The following TTC13 variants were observed in gnomAD, a reference collection of about 807,000 sequenced individuals.
The protein encoded by TTC13 is tetratricopeptide repeat protein 13.
In TTC13, 62 loss-of-function variants were observed where a neutral mutation model predicts 120.0. The ratio of observed to expected loss-of-function variants is 0.52; its 90% CI spans 0.42 to 0.64. The LOEUF (loss-of-function observed/expected upper bound fraction) is 0.64. Among genes scored for constraint, TTC13 ranks in the 30% least tolerant of loss-of-function variants. TTC13 has a pLI of 0.00. For missense variants in TTC13, 824 were observed against 1,050.2 expected (o/e 0.78, Z 2.98); for synonymous variants, 384 against 393.5 (o/e 0.98, Z 0.28).
At chr1:230,972,926 C>T (rs1677911497) in intron 1 of TTC13, among the ~76,000 whole-genome samples, 2 of 152,198 alleles carry the variant, frequency 1.3e-5, no homozygotes, top group Admixed American at 1.3e-4. Context: ...GGCAATGCCA[C>T]AGGGGCCAGG....
intron 1 of TTC13, among the ~76,000 whole-genome samples, chr1:230,963,001 G>C (rs1374793343): frequency 1.3e-5 from 2 of 152,076 alleles, no homozygotes; most frequent in Non-Finnish European, 2.9e-5. Flanking sequence ...AAACAACTTG[G>C]GGTGGTTGCA....
intron 1 of TTC13, among the ~76,000 whole-genome samples, chr1:230,971,541 T>C (rs187175943): frequency 4.6e-4 from 70 of 152,214 alleles, no homozygotes; most frequent in African/African-American, 1.4e-3. Context: ...GTAAAGCAAA[T>C]TGAAAATAGA....
intron 10 of TTC13, 39 bp downstream of exon 10, chr1:230,931,697 G>T: frequency 1.2e-6 from 2 of 1,607,346 alleles, no homozygotes; most frequent in Middle Eastern, 1.7e-4. Context: ...GAATAATCCA[G>T]TAATTCCAAT....
chr1:230,911,385 G>GTA (rs1015593903), intron 20 of TTC13, 85 bp downstream of exon 20: 2 of 985,022 alleles, frequency 2.0e-6, no homozygotes, highest in African/African-American at 3.4e-5. Context: ...TGTGTACTCT[G>GTA]TACCTATATC....
At chr1:230,949,713 T>G (rs1311543101) in intron 4 of TTC13, among the ~76,000 whole-genome samples, 1 of 152,224 alleles carries the variant, frequency 6.6e-6, no homozygotes, top group African/African-American at 2.4e-5. Flanking sequence ...TGGCGCGATC[T>G]TGGCTCACTG....
rs1262607264 is a variant in TTC13 at position 230,906,586 on chromosome 1, T to C, written c.*319A>G. The C allele has an allele frequency of 6.0e-6, 1 of 165,624 alleles. No individual in the cohort carries two copies. The highest frequency in any genetic ancestry group is 1.7e-4 in the East Asian group (1 of 6,028). 10.3% of individuals were successfully genotyped at this position (165,624 alleles called of 1,614,324 possible). A position where few individuals can be genotyped will look rare whatever the true frequency, so the allele number is the denominator to read the frequency against. ...TGGTTTTGTTTTTGTTCATCTTCAG[T>C]ATTATATTTTAGTTGTTGAGGAAAA... is the stretch of plus-strand genomic sequence containing the variant. On this transcript the variant is annotated 3_prime_UTR_variant, in exon 23 of 23. Transcript: ENST00000366661.
chr1:230,947,957 C>T (rs2102907142), intron 4 of TTC13, among the ~76,000 whole-genome samples: 1 of 152,284 alleles, frequency 6.6e-6, no homozygotes, highest in South Asian at 2.1e-4. Flanking sequence ...CATCCTCCCA[C>T]CCACTCCATC....
chr1:230,946,147 G>T (rs1375224791), intron 4 of TTC13, among the ~76,000 whole-genome samples: 1 of 152,204 alleles, frequency 6.6e-6, no homozygotes, highest in Non-Finnish European at 1.5e-5. Context: ...GTGAGTGAAT[G>T]AAATGCCTCT....
chr1:230,935,599 A>T (rs1417868670), intron 8 of TTC13, among the ~76,000 whole-genome samples: 2 of 152,052 alleles, frequency 1.3e-5, no homozygotes, highest in African/African-American at 4.8e-5. Flanking sequence ...GTGGAGAGGG[A>T]AAAGATGGGA....
chr1:230,929,890 A>G (rs1673390293), intron 11 of TTC13, among the ~76,000 whole-genome samples: 1 of 152,238 alleles, frequency 6.6e-6, no homozygotes, highest in Admixed American at 6.5e-5. Flanking sequence ...AAAAAAGGGA[A>G]TTGTAATTCA....
At chr1:230,946,056 G>C (rs1272292698) in intron 4 of TTC13, among the ~76,000 whole-genome samples, 1 of 152,160 alleles carries the variant, frequency 6.6e-6, no homozygotes, top group Non-Finnish European at 1.5e-5. Context: ...AATCCAGATG[G>C]GGTGGAGGAA....
Position 230,932,696 on chromosome 1 carries a change from C to T in TTC13, c.984-819G>A, listed in dbSNP as rs568542567. 2.0e-5 allele frequency among the ~76,000 whole-genome samples: 3 copies of T among 152,272 alleles called. No homozygotes were observed. In the East Asian group the frequency reaches 5.8e-4, roughly 29 times the overall value. On this transcript the variant is annotated intron_variant, in intron 9 of 22. Transcript: ENST00000366661. ...GAAGCACAAATATCATCCCTTAAACCCCAAACAAATCCAAACACACTTCTT... is the reference window on the plus strand; with the variant it reads ...GAAGCACAAATATCATCCCTTAAACTCCAAACAAATCCAAACACACTTCTT...
Position 230,924,880 on chromosome 1 carries a change from T to G in TTC13, c.1682A>C (p.Gln561Pro). 6.2e-7 allele frequency: 1 copy of G among 1,614,230 alleles called. No individual in the cohort carries two copies. Among genetic ancestry groups the G allele is most frequent in the Non-Finnish European group, 8.5e-7 (1 of 1,180,042 alleles). ...TGCAATGTCAAACATGTCTCTCCAC[T>G]GCATCAACCGTGTCTTCCCATTCAT... ...VRMNGKTRLM[Q>P]WRDMFDIAVK... The change falls in exon 14 of 23, where the codon CAG becomes CCG. Residue 561 changes from glutamine (Q) to proline (P), a missense_variant. Transcript: ENST00000366661.
intron 4 of TTC13, among the ~76,000 whole-genome samples, chr1:230,949,667 A>G (rs1423560912): frequency 6.6e-6 from 1 of 151,270 alleles, no homozygotes; most frequent in Non-Finnish European, 1.5e-5. Context: ...TTTATTTTTG[A>G]GACGAAGTCT....
intron 9 of TTC13, among the ~76,000 whole-genome samples, chr1:230,932,125 C>T (rs554455460): frequency 1.3e-4 from 20 of 152,220 alleles, no homozygotes; most frequent in Admixed American, 2.6e-4. Context: ...CAAAGGCAGA[C>T]GCTTATTCAA....
intron 1 of TTC13, among the ~76,000 whole-genome samples, chr1:230,965,822 T>G (rs113230986): frequency 0.059 from 8,270 of 139,010 alleles, 442 homozygotes; most frequent in African/African-American, 0.14. Flanking sequence ...ATTTTTCATT[T>G]TTATTTTTTG....
At chr1:230,939,824 T>C (rs1187877894) in intron 7 of TTC13, among the ~76,000 whole-genome samples, 1 of 152,252 alleles carries the variant, frequency 6.6e-6, no homozygotes, top group Non-Finnish European at 1.5e-5. Context: ...TCATACTGGA[T>C]ATTCCCAGAA....
chr1:230,931,655 C>T, intron 10 of TTC13, 81 bp downstream of exon 10: 1 of 1,539,592 alleles, frequency 6.5e-7, no homozygotes, highest in Non-Finnish European at 8.9e-7. Context: ...CTCAGTCCCC[C>T]TTCTCTATTC....
Position 230,914,614 on chromosome 1 carries a change from C to G in TTC13, c.2093+1579G>C, listed in dbSNP as rs1464387976. 3.3e-5 allele frequency among the ~76,000 whole-genome samples: 5 copies of G among 152,214 alleles called. No individual in the cohort carries two copies. The South Asian group carries it at 1.0e-3, about 32-fold the overall frequency. ...TTCACCATATTGGTCAGGCTGGTCT[C>G]GAACTCCTGACCTAGTGATCCGCCC... On this transcript the variant is annotated intron_variant, in intron 18 of 22. Transcript: ENST00000366661.
Sources: allele counts gnomAD v4.1 joint callset (sites outside exome capture counted in the v4.1 genomes callset), GRCh38; gene constraint gnomAD v4.1.1; transcripts MANE v1.5; gene names NCBI Gene and HGNC (gene_info 2026-07-23, HGNC 2026-07-21).